Variants in MEGF10 observed in about 807,000 individuals in gnomAD.
MEGF10 encodes the protein multiple epidermal growth factor-like domains protein 10.
MEGF10 carries 86 observed loss-of-function variants against 147.5 expected under a neutral mutation model. The ratio of observed to expected loss-of-function variants is 0.58; its 90% CI spans 0.49 to 0.70. The LOEUF is 0.70. MEGF10 is among the 30% of genes least tolerant of loss of function. MEGF10 has a pLI of 0.00. For missense variants in MEGF10, 1,329 were observed against 1,487.3 expected, an observed-to-expected ratio of 0.89 and a Z score of 1.75; for synonymous variants, 478 against 525.5, an observed-to-expected ratio of 0.91 and a Z score of 1.24.
At chr5:127,285,400 A>G in the MEGF10 span, among the ~76,000 whole-genome samples, 1 of 152,196 alleles carries the variant, frequency 6.6e-6, no homozygotes, top group East Asian at 1.9e-4. Context: ...TAAGATGTCA[A>G]GATTAATAGC....
chr5:127,443,001 GCC>G lies in MEGF10; in HGVS notation c.2368_2369del (p.Pro790PhefsTer13). 1.2e-6 allele frequency: 2 copies of G among 1,611,174 alleles called. No individual in the cohort carries two copies. Among genetic ancestry groups the G allele is most frequent in the Non-Finnish European group, 1.7e-6 (2 of 1,178,598 alleles). Reference sequence around the variant, plus strand: ...ACATTTGACTTTCCTTCTCTAGAGTGCCCTTCAGGAACATATGGCTATGGCTG... The same window carrying G: ...ACATTTGACTTTCCTTCTCTAGAGTGCTTCAGGAACATATGGCTATGGCTG... On this transcript the variant is annotated frameshift_variant, in exon 19 of 25. Transcript: ENST00000503335. LOFTEE classifies it high-confidence loss of function.
chr5:127,435,524 C>A (rs755591155), intron 16 of MEGF10, 35 bp downstream of exon 16: 3 of 1,578,464 alleles, frequency 1.9e-6, no homozygotes, highest in South Asian at 2.3e-5. Flanking sequence ...ATAAACTGTT[C>A]TTATTTGTTT....
intron 2 of MEGF10, among the ~76,000 whole-genome samples, chr5:127,334,983 C>A (rs1761406546): frequency 6.6e-6 from 1 of 152,158 alleles, no homozygotes; most frequent in African/African-American, 2.4e-5. Context: ...ATCTCCTCCC[C>A]CACTCCCTGG....
the MEGF10 span, among the ~76,000 whole-genome samples, chr5:127,247,359 G>C: frequency 7.0e-3 from 18 of 2,584 alleles, 2 homozygotes; most frequent in African/African-American, 0.029. Context: ...AGAAGAAGAA[G>C]AAGAAGAAGA....
chr5:127,249,456 A>C, the MEGF10 span, among the ~76,000 whole-genome samples: 1 of 152,014 alleles, frequency 6.6e-6, no homozygotes, highest in Non-Finnish European at 1.5e-5. Flanking sequence ...TGATTTAAGA[A>C]GGTAGAAAAG....
Position 127,402,586 on chromosome 5 carries a change from G to C in MEGF10, c.821G>C (p.Gly274Ala), listed in dbSNP as rs1764175605. 3 of 1,614,024 alleles carry C rather than the reference G, an allele frequency of 1.9e-6. No individual in the cohort carries two copies. The highest frequency in any genetic ancestry group is 2.5e-6 in the Non-Finnish European group (3 of 1,179,968). The change falls in exon 8 of 25, where the codon GGA becomes GCA. Residue 274 changes from glycine (G) to alanine (A), a missense_variant. By Grantham distance (60) the Gly-to-Ala change is moderately conservative. Around this residue, in one of 3 missense-constraint regions of MEGF10, gnomAD observed 980 missense variants for 1,085.9 expected, o/e 0.90. Transcript: ENST00000503335. ...CGQPCPEGRFGKNCSQECQCH... is the reference protein window; with the variant it reads ...CGQPCPEGRFAKNCSQECQCH... Reference sequence around the variant, plus strand: ...CAGCCTTGCCCCGAGGGTCGCTTTGGAAAGAACTGTTCCCAAGAATGCCAG... The same window carrying C: ...CAGCCTTGCCCCGAGGGTCGCTTTGCAAAGAACTGTTCCCAAGAATGCCAG...
At chr5:127,447,502 TTC>T (rs1765988186) in intron 20 of MEGF10, 53 bp from the exon 21 acceptor site, 4 of 1,608,084 alleles carry the variant, frequency 2.5e-6, no homozygotes, top group Non-Finnish European at 2.6e-6. Context: ...ATTCCCTTTT[TTC>T]ACACACATTT....
At chr5:127,306,188 C>G (rs149881207) in intron 1 of MEGF10, among the ~76,000 whole-genome samples, 1 of 152,168 alleles carries the variant, frequency 6.6e-6, no homozygotes, top group Non-Finnish European at 1.5e-5. Context: ...ATTAGGGCCC[C>G]GGTGCCGTGT....
chr5:127,279,035 GT>G, the MEGF10 span, among the ~76,000 whole-genome samples: 3 of 152,304 alleles, frequency 2.0e-5, no homozygotes, highest in South Asian at 6.2e-4. Context: ...TTTGTGGAGA[GT>G]TGGACTGAAC....
intron 21 of MEGF10, 81 bp downstream of exon 21, chr5:127,447,765 A>G (rs1766005273): frequency 1.3e-6 from 2 of 1,557,016 alleles, no homozygotes; most frequent in Admixed American, 3.5e-5. Context: ...GCCGCTGTTC[A>G]CCAGAGGCTG....
chr5:127,256,373 G>GA, the MEGF10 span, among the ~76,000 whole-genome samples: 12 of 152,196 alleles, frequency 7.9e-5, no homozygotes, highest in Non-Finnish European at 1.0e-4. Context: ...AACATACACA[G>GA]TTTTTTACAA....
At chr5:127,397,042 C>G (rs934895874) in intron 6 of MEGF10, among the ~76,000 whole-genome samples, 5 of 152,094 alleles carry the variant, frequency 3.3e-5, no homozygotes, top group African/African-American at 1.2e-4. Flanking sequence ...GAGAGAGGGT[C>G]AGTCAGGATG....
intron 13 of MEGF10, among the ~76,000 whole-genome samples, 198 bp downstream of exon 13, chr5:127,422,970 T>C (rs746599118): frequency 5.9e-5 from 9 of 152,314 alleles, no homozygotes; most frequent in Non-Finnish European, 8.8e-5. Context: ...GGCAGTTCTC[T>C]TGAGCTACAA....
At chr5:127,445,952 C>T (rs1375645595) in intron 20 of MEGF10, among the ~76,000 whole-genome samples, 3 of 152,144 alleles carry the variant, frequency 2.0e-5, no homozygotes, top group African/African-American at 7.2e-5. Context: ...GAATTTCAAT[C>T]CATAAGGAGC....
At chr5:127,299,716 G>A (rs1157489917) in intron 1 of MEGF10, among the ~76,000 whole-genome samples, 1 of 150,374 alleles carries the variant, frequency 6.7e-6, no homozygotes, top group Non-Finnish European at 1.5e-5. Flanking sequence ...GTGGATACTT[G>A]TAGGTGGCTT....
At chr5:127,445,162 G>T in intron 19 of MEGF10, 1 of 389,570 alleles carries the variant, frequency 2.6e-6, no homozygotes, top group South Asian at 2.8e-5. Context: ...TAACTGCTAG[G>T]CTAGATCAGT....
chr5:127,355,929 C>T (rs1762263916), intron 4 of MEGF10, among the ~76,000 whole-genome samples: 1 of 152,044 alleles, frequency 6.6e-6, no homozygotes, highest in Non-Finnish European at 1.5e-5. Flanking sequence ...AAATCCTTGC[C>T]TTATCTCTAG....
At chr5:127,273,631 T>A in the MEGF10 span, among the ~76,000 whole-genome samples, 1 of 152,250 alleles carries the variant, frequency 6.6e-6, no homozygotes, top group Non-Finnish European at 1.5e-5. Context: ...CAATTGGTGC[T>A]GATCATGAAG....
chr5:127,303,280 G>A (rs1051239123), intron 1 of MEGF10, among the ~76,000 whole-genome samples: 2 of 148,490 alleles, frequency 1.3e-5, no homozygotes, highest in African/African-American at 2.5e-5. Context: ...AGGTTGCAGT[G>A]AGCCGAGATT....
Sources: allele counts gnomAD v4.1 joint callset (sites outside exome capture counted in the v4.1 genomes callset), GRCh38; gene constraint gnomAD v4.1.1; regional missense constraint gnomAD v4.1.1; transcripts MANE v1.5; gene names NCBI Gene and HGNC (gene_info 2026-07-23, HGNC 2026-07-21).